DNAH7: variants seen among roughly 807,000 people sequenced by gnomAD.
DNAH7 encodes dynein axonemal heavy chain 7, also known as axonemal beta dynein heavy chain 7.
In DNAH7, 397 loss-of-function variants were observed where a neutral mutation model predicts 444.6. The observed-to-expected ratio is 0.89, with a 90% CI of 0.82 to 0.97. The LOEUF is 0.97. Among genes scored for constraint, DNAH7 ranks in the 50% least tolerant of loss-of-function variants. The probability of loss-of-function intolerance (pLI) is 0.00; values close to 1 mark genes in which losing one functional copy is unlikely to be tolerated. For missense variants in DNAH7, 4,902 were observed against 4,800.8 expected, an observed-to-expected ratio of 1.02 and a Z score of -0.62; for synonymous variants, 1,636 against 1,624.4, an observed-to-expected ratio of 1.01 and a Z score of -0.17.
intron 19 of DNAH7, among the ~76,000 whole-genome samples, chr2:195,950,867 A>AAAC (rs1559262876): frequency 1.3e-5 from 2 of 149,198 alleles, no homozygotes; most frequent in Non-Finnish European, 3.0e-5. Flanking sequence ...AAAAAAAAAA[A>AAAC]AAAAAAAAAA....
At chr2:195,925,288 G>A (rs749642697) in intron 22 of DNAH7, among the ~76,000 whole-genome samples, 1 of 152,096 alleles carries the variant, frequency 6.6e-6, no homozygotes, top group African/African-American at 2.4e-5. Flanking sequence ...CCACAAGCAG[G>A]GAGATCCCAG....
At chr2:195,791,509 A>T (rs1361072812) in intron 57 of DNAH7, among the ~76,000 whole-genome samples, 2 of 152,194 alleles carry the variant, frequency 1.3e-5, no homozygotes, top group Non-Finnish European at 2.9e-5. Flanking sequence ...GATTTCTTAA[A>T]TAACTTAAAA....
At chr2:195,817,087 T>C (rs1487737045) in intron 50 of DNAH7, 124 bp from the exon 51 acceptor site, 1 of 700,388 alleles carries the variant, frequency 1.4e-6, no homozygotes, top group Non-Finnish European at 2.3e-6. Context: ...GTGACAAATA[T>C]CTGTAATGGT....
At chr2:195,887,713 T>C (rs1701785120) in intron 33 of DNAH7, among the ~76,000 whole-genome samples, 1 of 152,196 alleles carries the variant, frequency 6.6e-6, no homozygotes. Context: ...TTAAACATTC[T>C]TGCTCTGTAA....
intron 1 of DNAH7, among the ~76,000 whole-genome samples, chr2:196,062,952 G>A (rs1698214353): frequency 6.6e-6 from 1 of 152,056 alleles, no homozygotes; most frequent in Non-Finnish European, 1.5e-5. Context: ...GCGCAATCTC[G>A]GCTCACTGCA....
intron 12 of DNAH7, among the ~76,000 whole-genome samples, chr2:195,992,168 G>A (rs1312623608): frequency 1.3e-5 from 2 of 152,160 alleles, no homozygotes; most frequent in African/African-American, 2.4e-5. Context: ...ATGGGAAACA[G>A]GGAAAAGCTT....
chr2:195,752,312 G>A (rs1693841411), intron 63 of DNAH7, among the ~76,000 whole-genome samples: 1 of 151,706 alleles, frequency 6.6e-6, no homozygotes, highest in African/African-American at 2.4e-5. Context: ...AGGACTGTAG[G>A]TGAGCAACAG....
intron 9 of DNAH7, among the ~76,000 whole-genome samples, chr2:196,018,536 A>G (rs1213460494): frequency 2.0e-5 from 3 of 152,140 alleles, no homozygotes; most frequent in South Asian, 2.1e-4. Flanking sequence ...TTGGAATTCA[A>G]AGTAATTCCA....
At position 195,971,064 on chromosome 2, in the gene DNAH7, G is replaced by C. The variant is rs557677759; in HGVS notation, c.2059-970C>G. ...TTTTCTGCAGTTTTTAAAAAAATCT[G>C]ATATACCCTTAATGTAAAACAAAAA... On this transcript the variant is annotated intron_variant, in intron 16 of 64. Transcript: ENST00000312428. 4.7e-4 allele frequency among the ~76,000 whole-genome samples: 72 copies of C among 152,228 alleles called. 2 individuals carry two copies. In the South Asian group the frequency reaches 8.9e-3, roughly 19 times the overall value.
Position 195,740,879 on chromosome 2 carries a change from A to G in DNAH7, c.11765-10T>C, listed in dbSNP as rs1692989023. Reference sequence around the variant, plus strand: ...CCGTGAATGAAAACACCTAAATATAAAAGAAACACATTAATATAACACTTG... The same window carrying G: ...CCGTGAATGAAAACACCTAAATATAGAAGAAACACATTAATATAACACTTG... On this transcript the variant is annotated splice_polypyrimidine_tract_variant and intron_variant, in intron 63 of 64. Coordinates refer to ENST00000312428, the MANE Select transcript of DNAH7 (RefSeq NM_018897.3). 3 of 1,475,250 alleles carry G rather than the reference A, an allele frequency of 2.0e-6. No individual in the cohort carries two copies. The highest frequency in any genetic ancestry group is 2.1e-5 in the Admixed American group (1 of 46,988). The allele number at this position is 1,475,250 out of a possible 1,614,324, so 91.4% of individuals were successfully genotyped here.
In DNAH7 at chr2:195,864,400, C is replaced by T. The variant is rs1257734100; in HGVS notation, c.7255G>A (p.Gly2419Arg). 1.2e-6 allele frequency: 2 copies of T among 1,614,044 alleles called. No homozygotes were observed. Among genetic ancestry groups the T allele is most frequent in the Non-Finnish European group, 1.7e-6 (2 of 1,180,048 alleles). Residue 2419 changes from glycine to arginine, a missense_variant, in exon 41 of 65, where the codon GGG becomes AGG. Transcript: ENST00000312428. ...AATGCAAAGAGATTTGGAATCTCCCCAGCATTTAGCAGATTACTGACATCT... is the reference window on the plus strand; with the variant it reads ...AATGCAAAGAGATTTGGAATCTCCCTAGCATTTAGCAGATTACTGACATCT... ...LEDVSNLLNA[G>R]EIPNLFALDE...
At chr2:195,854,711 T>A (rs1246956935) in intron 45 of DNAH7, among the ~76,000 whole-genome samples, 1 of 152,212 alleles carries the variant, frequency 6.6e-6, no homozygotes, top group African/African-American at 2.4e-5. Context: ...AGCACATTTG[T>A]AATACACATA....
chr2:195,920,717 A>G (rs1687969794), intron 24 of DNAH7, among the ~76,000 whole-genome samples: 1 of 152,234 alleles, frequency 6.6e-6, no homozygotes, highest in African/African-American at 2.4e-5. Flanking sequence ...AGATAAATAG[A>G]TGGGACTTAA....
chr2:195,832,864 T>A (rs1384928856), intron 48 of DNAH7, among the ~76,000 whole-genome samples: 1 of 152,210 alleles, frequency 6.6e-6, no homozygotes, highest in Admixed American at 6.5e-5. Context: ...ACATAAATCA[T>A]ACAGTAAATG....
rs184923402 is a variant in DNAH7, at chr2:195,993,580, C to T, written c.1354-5351G>A. Among the ~76,000 whole-genome samples, 39 of 152,280 alleles carry T rather than the reference C, an allele frequency of 2.6e-4. 1 individual carries two copies. In the East Asian group the frequency reaches 5.8e-3, roughly 23 times the overall value. On this transcript the variant is annotated intron_variant, in intron 12 of 64. Coordinates refer to ENST00000312428, the MANE Select transcript of DNAH7 (RefSeq NM_018897.3). ...CTTAGAGTGGCAGAACTCTACTAGT[C>T]TTCTGTAACTGCAACAAGTATATTT...
chr2:195,752,270 C>CA (rs67890551), intron 63 of DNAH7, among the ~76,000 whole-genome samples: 5,827 of 132,644 alleles, frequency 0.044, 177 homozygotes, highest in African/African-American at 0.084. Flanking sequence ...GACCCTATCT[C>CA]AAAAAAAAAA....
At position 195,855,749 on chromosome 2, in the gene DNAH7, G is replaced by T; in HGVS notation, c.8595+62C>A. 3.2e-6 allele frequency: 5 copies of T among 1,570,894 alleles called. No homozygotes were observed. In the South Asian group the frequency reaches 3.5e-5, roughly 11 times the overall value. On this transcript the variant is annotated intron_variant, in intron 45 of 64. Transcript: ENST00000312428. ...GGACTGGTGTGTTATGTGCTAGTAC[G>T]AACATCATTCTTAGTTACGATAACT...
intron 63 of DNAH7, among the ~76,000 whole-genome samples, chr2:195,747,557 A>G (rs1693505306): frequency 6.6e-6 from 1 of 152,112 alleles, no homozygotes; most frequent in Admixed American, 6.6e-5. Flanking sequence ...TTAGACCAAT[A>G]TCCTTGAACA....
chr2:195,987,915 A>G, intron 13 of DNAH7, 42 bp downstream of exon 13: 1 of 1,519,962 alleles, frequency 6.6e-7, no homozygotes, highest in Non-Finnish European at 8.9e-7. Context: ...GGGAAAAGAT[A>G]CCAGATAGAG....
Sources: gnomAD v4.1 joint callset for allele counts (sites outside exome capture counted in the v4.1 genomes callset) on GRCh38, gnomAD v4.1.1 for gene constraint, MANE v1.5 for transcripts, NCBI Gene and HGNC (gene_info 2026-07-23, HGNC 2026-07-21) for gene names.